The following CREBBP variants were observed in gnomAD, a reference collection of about 807,000 sequenced individuals.
CREBBP encodes the protein CREB-binding protein.
A neutral mutation model predicts 265.0 loss-of-function variants in CREBBP; 19 were observed. That is an observed-to-expected ratio of 0.07 (90% CI 0.05 to 0.11). The LOEUF (loss-of-function observed/expected upper bound fraction) is 0.11. Among genes scored for constraint, CREBBP ranks in the 10% least tolerant of loss-of-function variants. CREBBP has a pLI of 1.00. For missense variants in CREBBP, 2,525 were observed against 3,219.0 expected (o/e 0.78, Z 5.22); for synonymous variants, 1,457 against 1,223.7 (o/e 1.19, Z -3.98).
chr16:3,770,471 T>TAGG, intron 14 of CREBBP, 99 bp downstream of exon 14: 1 of 1,336,036 alleles, frequency 7.5e-7, no homozygotes, highest in East Asian at 2.3e-5. Context: ...GCTGAAATTA[T>TAGG]AGGTGTGAAC....
At chr16:3,878,459 CCTT>C (rs1201873634) in intron 1 of CREBBP, among the ~76,000 whole-genome samples, 4 of 152,298 alleles carry the variant, frequency 2.6e-5, no homozygotes, top group African/African-American at 9.6e-5. Context: ...ATAAGAATCT[CCTT>C]ATGATTGATC....
chr16:3,776,144 C>T (rs572017734), intron 11 of CREBBP, among the ~76,000 whole-genome samples: 2 of 152,224 alleles, frequency 1.3e-5, no homozygotes, highest in Admixed American at 6.5e-5. Flanking sequence ...TCTCAAACTC[C>T]TGACCTCAAG....
intron 2 of CREBBP, among the ~76,000 whole-genome samples, chr16:3,827,871 T>G (rs1203634795): frequency 1.3e-5 from 2 of 151,898 alleles, no homozygotes; most frequent in African/African-American, 4.8e-5. Flanking sequence ...TTAAAATGTT[T>G]TGTAGAGATG....
chr16:3,845,703 T>C (rs887202868), intron 2 of CREBBP, among the ~76,000 whole-genome samples: 4 of 151,740 alleles, frequency 2.6e-5, no homozygotes, highest in African/African-American at 4.8e-5. Flanking sequence ...CTGGGCAACA[T>C]GGCAAAACCC....
chr16:3,776,598 A>G (rs2053143768), intron 11 of CREBBP, among the ~76,000 whole-genome samples: 1 of 151,980 alleles, frequency 6.6e-6, no homozygotes, highest in Non-Finnish European at 1.5e-5. Flanking sequence ...GCAGTCTAGG[A>G]CTGTCTTGCA....
chr16:3,879,763 C>G (rs2055486054), intron 1 of CREBBP, 69 bp downstream of exon 1: 3 of 1,492,312 alleles, frequency 2.0e-6, no homozygotes, highest in East Asian at 2.5e-5. Flanking sequence ...CCACGACCCC[C>G]GGACGCTCTC....
Position 3,752,977 on chromosome 16 carries a change from T to C in CREBBP, c.3699-1171A>G, listed in dbSNP as rs186543240. On this transcript the variant is annotated intron_variant, in intron 19 of 30. Coordinates refer to ENST00000262367, the MANE Select transcript of CREBBP (RefSeq NM_004380.3). ...ATAAAACAAGATGAGTACACAAGAATACCGTAAGAATAAACAAGCGGGTGG... is the reference window on the plus strand; with the variant it reads ...ATAAAACAAGATGAGTACACAAGAACACCGTAAGAATAAACAAGCGGGTGG... Among the ~76,000 whole-genome samples, 163 of 152,268 alleles carry C rather than the reference T, an allele frequency of 1.1e-3. No individual in the cohort carries two copies. In the Middle Eastern group the frequency reaches 0.014, roughly 13 times the overall value.
intron 28 of CREBBP, among the ~76,000 whole-genome samples, chr16:3,734,783 T>A (rs979471612): frequency 1.3e-5 from 2 of 151,908 alleles, no homozygotes; most frequent in African/African-American, 2.4e-5. Context: ...TGAGCACGAG[T>A]GTGTGTGGCG....
rs546295828 is a variant in CREBBP, at chr16:3,861,326, G to A, written c.86-10317C>T. Among the ~76,000 whole-genome samples the A allele has an allele frequency of 8.1e-4, 123 of 152,304 alleles. 1 individual carries two copies. The highest frequency in any genetic ancestry group is 2.7e-3 in the African/African-American group (114 of 41,564). On this transcript the variant is annotated intron_variant, in intron 1 of 30. Coordinates refer to ENST00000262367, the MANE Select transcript of CREBBP (RefSeq NM_004380.3). The stretch of plus-strand genomic sequence containing the variant: ...ACAGTAGCACCTGCTTCGCAGGATC[G>A]TTGATGAAAGAATTAAACCATACAG...
intron 1 of CREBBP, among the ~76,000 whole-genome samples, chr16:3,853,981 C>T (rs867067490): frequency 6.5e-4 from 99 of 152,172 alleles, no homozygotes; most frequent in African/African-American, 2.3e-3. Context: ...CACACACACA[C>T]ACGAAAAAGA....
At chr16:3,866,514 A>G (rs1192852784) in intron 1 of CREBBP, among the ~76,000 whole-genome samples, 3 of 152,218 alleles carry the variant, frequency 2.0e-5, no homozygotes, top group Non-Finnish European at 4.4e-5. Context: ...GCTTCTCACC[A>G]TTTAACAGAT....
chr16:3,737,486 T>C (rs1187560665), intron 26 of CREBBP, among the ~76,000 whole-genome samples: 1 of 146,318 alleles, frequency 6.8e-6, no homozygotes, highest in Non-Finnish European at 1.5e-5. Flanking sequence ...GGGGGCAGAG[T>C]TTCATTGTTG....
intron 28 of CREBBP, among the ~76,000 whole-genome samples, chr16:3,732,541 C>T (rs2051944805): frequency 6.6e-6 from 1 of 152,198 alleles, no homozygotes; most frequent in South Asian, 2.1e-4. Flanking sequence ...AGGATTACCA[C>T]TCACTTACAC....
At chr16:3,752,692 G>A (rs2052501155) in intron 19 of CREBBP, among the ~76,000 whole-genome samples, 1 of 152,074 alleles carries the variant, frequency 6.6e-6, no homozygotes, top group African/African-American at 2.4e-5. Flanking sequence ...TGACATTTTT[G>A]GTACTGGGAC....
At chr16:3,819,554 G>A (rs946038698) in intron 2 of CREBBP, among the ~76,000 whole-genome samples, 1 of 152,194 alleles carries the variant, frequency 6.6e-6, no homozygotes, top group South Asian at 2.1e-4. Context: ...GGAGAGGCCG[G>A]CTGGGATTAC....
Position 3,879,901 on chromosome 16 carries a change from G to A in CREBBP, c.16C>T (p.Leu6=), listed in dbSNP as rs1023187476. The A allele has an allele frequency of 3.7e-6, 6 of 1,612,480 alleles. No individual in the cohort carries two copies. In the African/African-American group the frequency reaches 8.0e-5, roughly 22 times the overall value. MAENL[L]DGPPNPKRAK... ...CTTTTGGGGTTGGGCGGTCCGTCCA[G>A]CAAGTTCTCAGCCATTTTCACCTGC... Residue 6 remains leucine, a synonymous_variant, in exon 1 of 31, where the codon CTG becomes TTG. Coordinates refer to ENST00000262367, the MANE Select transcript of CREBBP (RefSeq NM_004380.3).
intron 2 of CREBBP, among the ~76,000 whole-genome samples, chr16:3,823,396 A>G (rs1449378739): frequency 6.6e-6 from 1 of 152,180 alleles, no homozygotes; most frequent in Non-Finnish European, 1.5e-5. Flanking sequence ...ACTGAAATCA[A>G]ATTTGCCCTG....
chr16:3,846,158 T>C (rs953694163), intron 2 of CREBBP, among the ~76,000 whole-genome samples: 1 of 152,064 alleles, frequency 6.6e-6, no homozygotes, highest in African/African-American at 2.4e-5. Context: ...GAATATAAAT[T>C]AATGAGAAAA....
At chr16:3,855,830 C>A (rs994453285) in intron 1 of CREBBP, among the ~76,000 whole-genome samples, 1 of 152,156 alleles carries the variant, frequency 6.6e-6, no homozygotes, top group African/African-American at 2.4e-5. Flanking sequence ...ACAAACTGTA[C>A]AATATTTATT....
Sources: gnomAD v4.1 joint callset for allele counts (sites outside exome capture counted in the v4.1 genomes callset) on GRCh38, gnomAD v4.1.1 for gene constraint, MANE v1.5 for transcripts, NCBI Gene and HGNC (gene_info 2026-07-23, HGNC 2026-07-21) for gene names.